The following KCNT2 variants were observed in gnomAD, a reference collection of about 807,000 sequenced individuals.
KCNT2 encodes the protein potassium sodium-activated channel subfamily T member 2.
Under a neutral mutation model 153.8 loss-of-function variants are expected in KCNT2, and 67 were observed. That is an observed-to-expected ratio of 0.44 (90% CI 0.36 to 0.53). The LOEUF (loss-of-function observed/expected upper bound fraction) is 0.53, where lower values mean the gene tolerates loss of function less well. KCNT2 is among the 20% of genes least tolerant of loss of function. KCNT2 has a pLI of 0.00. For synonymous variants in KCNT2, 500 were observed against 458.8 expected (o/e 1.09, Z -1.15); for missense variants, 975 against 1,354.8 (o/e 0.72, Z 4.40).
At chr1:196,267,931 C>G (rs1325269996) in intron 25 of KCNT2, among the ~76,000 whole-genome samples, 3 of 152,160 alleles carry the variant, frequency 2.0e-5, no homozygotes, top group Non-Finnish European at 4.4e-5. Flanking sequence ...TCCTAAATCC[C>G]TTGGCTACCT....
intron 8 of KCNT2, among the ~76,000 whole-genome samples, chr1:196,433,879 G>A (rs1415717527): frequency 6.6e-6 from 1 of 152,046 alleles, no homozygotes; most frequent in Non-Finnish European, 1.5e-5. Flanking sequence ...TACACAGGTA[G>A]AGGTATCAAG....
intron 22 of KCNT2, among the ~76,000 whole-genome samples, chr1:196,299,638 A>G (rs1384006600): frequency 6.6e-6 from 1 of 152,196 alleles, no homozygotes; most frequent in Non-Finnish European, 1.5e-5. Context: ...GGGAACGCTT[A>G]TAACTGTTGG....
chr1:196,298,288 G>A (rs1660863425), intron 22 of KCNT2, among the ~76,000 whole-genome samples: 1 of 152,130 alleles, frequency 6.6e-6, no homozygotes, highest in African/African-American at 2.4e-5. Flanking sequence ...TTAAACACCA[G>A]CCATAAGTCC....
chr1:196,477,492 G>C (rs913492343), intron 5 of KCNT2, among the ~76,000 whole-genome samples: 3 of 152,074 alleles, frequency 2.0e-5, no homozygotes, highest in Non-Finnish European at 4.4e-5. Context: ...AGAGAGTAGG[G>C]AGAATTGCTT....
In KCNT2 at chr1:196,465,321, A is replaced by G; in HGVS notation, c.610T>C (p.Ser204Pro). 6.3e-7 allele frequency: 1 copy of G among 1,594,598 alleles called. No homozygotes were observed. Among genetic ancestry groups the G allele is most frequent in the South Asian group, 1.1e-5 (1 of 90,676 alleles). ...GTGAAGATAAGGCATAGTAATGTAG[A>G]TATTAAAATCAAAACTTGATTAAAC... ...AMFNQVLILI[S>P]TLLCLIFTCI... The change falls in exon 8 of 28, where the codon TCT becomes CCT. Residue 204 changes from serine (S) to proline (P), a missense_variant. Transcript: ENST00000294725.
At chr1:196,497,830 C>T (rs188075732) in intron 1 of KCNT2, among the ~76,000 whole-genome samples, 31 of 152,190 alleles carry the variant, frequency 2.0e-4, no homozygotes, top group Admixed American at 3.9e-4. Flanking sequence ...GTCTTTGTGA[C>T]GGTAAACTAT....
chr1:196,337,071 C>A (rs1245612087), intron 16 of KCNT2, among the ~76,000 whole-genome samples: 1 of 152,002 alleles, frequency 6.6e-6, no homozygotes, highest in Non-Finnish European at 1.5e-5. Flanking sequence ...GCCTATCTCT[C>A]TCTCTCTCCT....
Position 196,506,974 on chromosome 1 carries a change from GT to G in KCNT2, c.96-14634del, listed in dbSNP as rs568804728. On this transcript the variant is annotated intron_variant, in intron 1 of 27. Coordinates refer to ENST00000294725, the MANE Select transcript of KCNT2 (RefSeq NM_198503.5). ...AAATCCCCTACTAATGGATCCTTAA[GT>G]TTTATTTGGTCTCATAAATAATGAT... is the stretch of plus-strand genomic sequence containing the variant. Among the ~76,000 whole-genome samples, 255 of 151,890 alleles carry G rather than the reference GT, an allele frequency of 1.7e-3. 1 individual carries two copies. The highest frequency in any genetic ancestry group is 5.9e-3 in the African/African-American group (244 of 41,428).
chr1:196,405,528 T>G (rs1343457493), intron 12 of KCNT2, among the ~76,000 whole-genome samples: 2 of 151,540 alleles, frequency 1.3e-5, no homozygotes, highest in African/African-American at 2.4e-5. Flanking sequence ...ATTATTTTAC[T>G]GAAATCCAAA....
chr1:196,591,019 C>T (rs963315605), intron 1 of KCNT2, among the ~76,000 whole-genome samples: 1 of 151,986 alleles, frequency 6.6e-6, no homozygotes, highest in Non-Finnish European at 1.5e-5. Context: ...CCCAGCTACT[C>T]GAGAGGCTGA....
intron 19 of KCNT2, among the ~76,000 whole-genome samples, chr1:196,320,811 T>G (rs1029207845): frequency 2.0e-5 from 3 of 151,862 alleles, no homozygotes; most frequent in African/African-American, 7.2e-5. Context: ...GACCCAATAG[T>G]ATTACATCTT....
chr1:196,345,843 A>C (rs10754185), intron 14 of KCNT2, among the ~76,000 whole-genome samples: 148,823 of 152,182 alleles, frequency 0.98, 72,788 homozygotes, highest in East Asian at 1. Context: ...AAATAAATAT[A>C]CATATAGATA....
At chr1:196,435,993 C>T (rs1266956682) in intron 8 of KCNT2, among the ~76,000 whole-genome samples, 1 of 151,618 alleles carries the variant, frequency 6.6e-6, no homozygotes, top group Non-Finnish European at 1.5e-5. Context: ...CTTCAAGCCT[C>T]ATAAAATCCT....
At chr1:196,272,486 TGTTAC>T (rs775054183) in intron 25 of KCNT2, among the ~76,000 whole-genome samples, 12 of 151,884 alleles carry the variant, frequency 7.9e-5, no homozygotes, top group Non-Finnish European at 1.2e-4. Context: ...TGGTGCCTAG[TGTTAC>T]CCAATAAATA....
intron 8 of KCNT2, among the ~76,000 whole-genome samples, chr1:196,435,139 GTATATATATATATATATATATA>G (rs1166021273): frequency 6.6e-4 from 30 of 45,726 alleles, no homozygotes; most frequent in South Asian, 4.2e-3. Context: ...GTGTGTGTAT[GTATATATATATATATATATATA>G]TATATATATA....
intron 18 of KCNT2, among the ~76,000 whole-genome samples, chr1:196,330,888 A>T (rs535533767): frequency 7.9e-4 from 120 of 152,094 alleles, no homozygotes; most frequent in African/African-American, 2.8e-3. Flanking sequence ...GTTCATAGGG[A>T]TGAGATTTGG....
chr1:196,270,281 A>T (rs1208922574), intron 25 of KCNT2, among the ~76,000 whole-genome samples: 1 of 152,000 alleles, frequency 6.6e-6, no homozygotes, highest in East Asian at 1.9e-4. Context: ...CCAAATCAAG[A>T]CTGATTTCAT....
In KCNT2 at chr1:196,432,940, A is replaced by G. The variant is rs566344587; in HGVS notation, c.639-3183T>C. Among the ~76,000 whole-genome samples, 7 of 152,210 alleles carry G rather than the reference A, an allele frequency of 4.6e-5. No individual in the cohort carries two copies. In the South Asian group the frequency reaches 1.5e-3, roughly 32 times the overall value. On this transcript the variant is annotated intron_variant, in intron 8 of 27. Transcript: ENST00000294725. ...TATGGTGTGAATGTGTCCCCTCCAA[A>G]ATTCACACTGACACTTAAATCCCAC...
chr1:196,249,020 A>G (rs1655701123), intron 26 of KCNT2, among the ~76,000 whole-genome samples: 1 of 152,132 alleles, frequency 6.6e-6, no homozygotes, highest in African/African-American at 2.4e-5. Context: ...CAAATCAATC[A>G]ATCTTATCAA....
Sources: allele counts gnomAD v4.1 joint callset (sites outside exome capture counted in the v4.1 genomes callset), GRCh38; gene constraint gnomAD v4.1.1; transcripts MANE v1.5; gene names NCBI Gene and HGNC (gene_info 2026-07-23, HGNC 2026-07-21).